Variants in CMSS1 observed in about 807,000 individuals in gnomAD.
CMSS1 encodes protein CMSS1.
CMSS1 carries 33 observed loss-of-function variants against 43.5 expected under a neutral mutation model. The observed-to-expected ratio is 0.76, with a 90% confidence interval of 0.57 to 1.01. CMSS1 has a LOEUF of 1.01. CMSS1 is among the 50% of genes least tolerant of loss of function. CMSS1 has a pLI of 0.00. For missense variants in CMSS1, 313 were observed against 326.4 expected (o/e 0.96, Z 0.32); for synonymous variants, 115 against 117.2 (o/e 0.98, Z 0.12).
chr3:99,853,766 C>T (rs1321237826), intron 1 of CMSS1, among the ~76,000 whole-genome samples: 1 of 152,194 alleles, frequency 6.6e-6, no homozygotes, highest in Non-Finnish European at 1.5e-5. Context: ...CAATAACCTG[C>T]TATTTTCTTG....
At chr3:99,954,291 C>A (rs1273307710) in intron 1 of CMSS1, among the ~76,000 whole-genome samples, 1 of 152,232 alleles carries the variant, frequency 6.6e-6, no homozygotes, top group Non-Finnish European at 1.5e-5. Context: ...CTCTCTGATA[C>A]CCCATCCTGC....
chr3:100,153,884 T>G (rs1373299256), intron 2 of CMSS1, among the ~76,000 whole-genome samples: 2 of 151,784 alleles, frequency 1.3e-5, no homozygotes, highest in Non-Finnish European at 2.9e-5. Context: ...GGAGTCTTGC[T>G]CTGTCGCCCA....
chr3:100,107,038 C>CCA (rs1180462962), intron 1 of CMSS1, among the ~76,000 whole-genome samples: 2 of 152,128 alleles, frequency 1.3e-5, no homozygotes, highest in African/African-American at 4.8e-5. Flanking sequence ...GATTTTGTTA[C>CCA]ACAGCCAAGA....
intron 1 of CMSS1, among the ~76,000 whole-genome samples, chr3:100,128,207 G>A (rs148441338): frequency 4.9e-4 from 74 of 152,312 alleles, no homozygotes; most frequent in Non-Finnish European, 9.0e-4. Flanking sequence ...CCTGGTCTGT[G>A]CACTGAACTT....
chr3:99,833,150 A>T, intron 1 of CMSS1: 1 of 1,267,550 alleles, frequency 7.9e-7, no homozygotes. Flanking sequence ...TTCATAGAAG[A>T]AAACGATTTT....
chr3:100,099,843 C>T (rs1454081253), intron 1 of CMSS1, among the ~76,000 whole-genome samples: 3 of 152,112 alleles, frequency 2.0e-5, no homozygotes, highest in Non-Finnish European at 4.4e-5. Flanking sequence ...CATAAGTATG[C>T]AGCGGTAGAA....
At chr3:100,075,576 T>C (rs1400126591) in intron 1 of CMSS1, 1 of 151,914 alleles carries the variant, frequency 6.6e-6, no homozygotes, top group Admixed American at 6.5e-5. Context: ...TTTTTTTTTT[T>C]TTAACTGTCT....
intron 1 of CMSS1, among the ~76,000 whole-genome samples, chr3:99,867,567 C>T (rs1412751406): frequency 1.3e-5 from 2 of 152,184 alleles, no homozygotes; most frequent in African/African-American, 4.8e-5. Context: ...GGACCAAAAT[C>T]TGCTAGTGAC....
intron 1 of CMSS1, among the ~76,000 whole-genome samples, chr3:100,045,909 A>C (rs2065271721): frequency 6.6e-6 from 1 of 151,880 alleles, no homozygotes; most frequent in Admixed American, 6.6e-5. Flanking sequence ...CGCAGGGATG[A>C]GGTCACTGGG....
At chr3:99,998,626 G>A (rs573468476) in intron 1 of CMSS1, among the ~76,000 whole-genome samples, 3 of 152,214 alleles carry the variant, frequency 2.0e-5, no homozygotes, top group Non-Finnish European at 2.9e-5. Context: ...GCAGTGGTGC[G>A]ATCTCGGCTC....
intron 1 of CMSS1, among the ~76,000 whole-genome samples, chr3:100,070,555 A>C (rs750931387): frequency 6.6e-6 from 1 of 152,340 alleles, no homozygotes; most frequent in African/African-American, 2.4e-5. Flanking sequence ...ATGGGGTTGT[A>C]ATAAGATACT....
At chr3:99,849,016 A>T (rs776867482) in intron 1 of CMSS1, 1 of 1,614,166 alleles carries the variant, frequency 6.2e-7, no homozygotes, top group South Asian at 1.1e-5. Context: ...TCCAGGTTGC[A>T]CAAAGTTGGC....
chr3:100,172,172 C>G (rs2067115618), intron 7 of CMSS1, 144 bp from the exon 8 acceptor site: 2 of 707,924 alleles, frequency 2.8e-6, no homozygotes, highest in East Asian at 5.4e-5. Flanking sequence ...ATATGCTCAT[C>G]TCTGCCCTGG....
At chr3:99,818,957 A>G (rs1216572387) in intron 1 of CMSS1, among the ~76,000 whole-genome samples, 2 of 152,146 alleles carry the variant, frequency 1.3e-5, no homozygotes, top group African/African-American at 2.4e-5. Context: ...ATCACTCCTC[A>G]AGGTCTGCCT....
At chr3:99,918,651 T>G (rs1417422273) in intron 1 of CMSS1, among the ~76,000 whole-genome samples, 1 of 152,070 alleles carries the variant, frequency 6.6e-6, no homozygotes, top group Non-Finnish European at 1.5e-5. Flanking sequence ...TGACATCTGT[T>G]GAAAGTTAAG....
intron 1 of CMSS1, among the ~76,000 whole-genome samples, chr3:100,034,852 C>T (rs192213324): frequency 2.6e-5 from 4 of 152,134 alleles, no homozygotes; most frequent in Admixed American, 1.3e-4. Flanking sequence ...TATATACATA[C>T]GAATATATTT....
At chr3:99,860,501 G>T (rs1944192536) in intron 1 of CMSS1, among the ~76,000 whole-genome samples, 1 of 152,156 alleles carries the variant, frequency 6.6e-6, no homozygotes, top group Non-Finnish European at 1.5e-5. Flanking sequence ...AAGTAACTGA[G>T]AAAAAGGGTC....
In CMSS1 at chr3:100,028,852, A is replaced by G. The variant is rs377206870; in HGVS notation, c.65-118121A>G. Among the ~76,000 whole-genome samples the G allele has an allele frequency of 7.2e-5, 11 of 152,286 alleles. No homozygotes were observed. The East Asian group carries it at 9.6e-4, about 13-fold the overall frequency. ...CAAACTCATTACTGTGAACTATTCAATGGTGATGTGTTTCAATACACCTTT... is the reference window on the plus strand; with the variant it reads ...CAAACTCATTACTGTGAACTATTCAGTGGTGATGTGTTTCAATACACCTTT... On this transcript the variant is annotated intron_variant, in intron 1 of 9. Coordinates refer to ENST00000421999, the MANE Select transcript of CMSS1 (RefSeq NM_032359.4).
intron 1 of CMSS1, among the ~76,000 whole-genome samples, chr3:100,027,596 A>G (rs1158630621): frequency 6.6e-6 from 1 of 152,040 alleles, no homozygotes; most frequent in African/African-American, 2.4e-5. Flanking sequence ...ACCCTGCTCA[A>G]CTTCGATACA....
Sources: gnomAD v4.1 joint callset for allele counts (sites outside exome capture counted in the v4.1 genomes callset) on GRCh38, gnomAD v4.1.1 for gene constraint, MANE v1.5 for transcripts, NCBI Gene and HGNC (gene_info 2026-07-23, HGNC 2026-07-21) for gene names.